Variants in ACKR3 observed in about 807,000 individuals in gnomAD.
ACKR3 encodes the protein C-X-C chemokine receptor type 7.
A neutral mutation model predicts 22.4 loss-of-function variants in ACKR3; 6 were observed. That is an observed-to-expected ratio of 0.27 (90% CI 0.15 to 0.53). The LOEUF is 0.53. Among genes scored for constraint, ACKR3 ranks in the 20% least tolerant of loss-of-function variants. ACKR3 has a pLI of 0.96. For synonymous variants in ACKR3, 209 were observed against 205.2 expected (o/e 1.02, Z -0.16); for missense variants, 396 against 475.2 (o/e 0.83, Z 1.55).
At chr2:236,563,852 C>A (rs1278224199), upstream of ACKR3, among the ~76,000 whole-genome samples, 1 of 152,150 alleles carries the variant, frequency 6.6e-6, no homozygotes, top group Admixed American at 6.5e-5. Flanking sequence ...GCCGCTGTGC[C>A]CCCACAGGCT....
At chr2:236,566,341 C>T (rs2060832), upstream of ACKR3, among the ~76,000 whole-genome samples, 252 of 152,370 alleles carry the variant, frequency 1.7e-3, 2 homozygotes, top group Admixed American at 0.013. Flanking sequence ...TCTGGGTCAG[C>T]TGGGACAGCG....
At chr2:236,565,378 G>A (rs779952172), upstream of ACKR3, among the ~76,000 whole-genome samples, 4 of 152,180 alleles carry the variant, frequency 2.6e-5, no homozygotes, top group East Asian at 7.7e-4. Context: ...TGACCTTCCT[G>A]CTGTTTCTTA....
At chr2:236,552,597 AT>A in the ACKR3 span, among the ~76,000 whole-genome samples, 1 of 152,186 alleles carries the variant, frequency 6.6e-6, no homozygotes, top group Non-Finnish European at 1.5e-5. Context: ...AATGCTTGCT[AT>A]TGTTAAAAAG....
intron 1 of ACKR3, among the ~76,000 whole-genome samples, chr2:236,570,286 G>A (rs1445086650): frequency 1.3e-5 from 2 of 152,318 alleles, no homozygotes; most frequent in East Asian, 3.9e-4. Context: ...TGACCAATTT[G>A]GCATGGGGAT....
At position 236,580,771 on chromosome 2, in the gene ACKR3, C is replaced by T. The variant is rs1487875696; in HGVS notation, c.306C>T (p.Val102=). The T allele has an allele frequency of 1.2e-6, 2 of 1,614,212 alleles. No homozygotes were observed. Among genetic ancestry groups the T allele is most frequent in the Non-Finnish European group, 1.7e-6 (2 of 1,180,036 alleles). The change falls in exon 2 of 2, where the codon GTC becomes GTT. Residue 102 remains valine (V), a synonymous_variant. Coordinates refer to ENST00000272928, the MANE Select transcript of ACKR3 (RefSeq NM_020311.3). ...TCCTCACCATCCCAGTCTGGGTGGTCAGTCTCGTGCAGCACAACCAGTGGC... is the reference window on the plus strand; with the variant it reads ...TCCTCACCATCCCAGTCTGGGTGGTTAGTCTCGTGCAGCACAACCAGTGGC... ...WVVLTIPVWV[V]SLVQHNQWPM...
the ACKR3 span, among the ~76,000 whole-genome samples, chr2:236,546,545 G>A: frequency 2.0e-5 from 3 of 152,204 alleles, no homozygotes; most frequent in East Asian, 1.9e-4. The surrounding 1 kb of genome is among the most constrained non-coding windows in gnomAD (Gnocchi z 4.9). Context: ...ATCCAAAGAT[G>A]AGCAGACAGC....
At chr2:236,560,879 C>T in the ACKR3 span, among the ~76,000 whole-genome samples, 8 of 152,156 alleles carry the variant, frequency 5.3e-5, no homozygotes, top group Non-Finnish European at 1.2e-4. Flanking sequence ...GCACTATTCA[C>T]AGTATCCAAG....
At chr2:236,558,705 T>A in the ACKR3 span, among the ~76,000 whole-genome samples, 2 of 152,242 alleles carry the variant, frequency 1.3e-5, no homozygotes, top group Non-Finnish European at 2.9e-5. Flanking sequence ...TTCTTTGTTC[T>A]TTACCTTGAA....
intron 1 of ACKR3, among the ~76,000 whole-genome samples, chr2:236,576,443 CCTCT>C (rs1378586675): frequency 1.3e-5 from 2 of 152,204 alleles, no homozygotes; most frequent in Non-Finnish European, 2.9e-5. Context: ...GGCCTCCCTC[CCTCT>C]CTCCACTTTC....
chr2:236,561,584 T>C, the ACKR3 span, among the ~76,000 whole-genome samples: 1 of 152,058 alleles, frequency 6.6e-6, no homozygotes, highest in Non-Finnish European at 1.5e-5. Context: ...CTCCGCCTCC[T>C]GGGTTCAAGC....
the ACKR3 span, among the ~76,000 whole-genome samples, chr2:236,539,913 C>G: frequency 6.6e-6 from 1 of 152,132 alleles, no homozygotes. Context: ...TTTATAAAAC[C>G]ATCAGATCTC....
chr2:236,565,442 A>G (rs748291388), upstream of ACKR3, among the ~76,000 whole-genome samples: 4 of 152,212 alleles, frequency 2.6e-5, no homozygotes, highest in Non-Finnish European at 5.9e-5. Context: ...ATGATGCAAC[A>G]TTTTTATATA....
intron 1 of ACKR3, among the ~76,000 whole-genome samples, chr2:236,572,130 G>A (rs1028636731): frequency 5.9e-5 from 9 of 152,158 alleles, no homozygotes; most frequent in African/African-American, 1.2e-4. Flanking sequence ...GGACAGGGAG[G>A]CGTGCAGGCG....
the ACKR3 span, among the ~76,000 whole-genome samples, chr2:236,553,415 C>A: frequency 6.6e-6 from 1 of 152,262 alleles, no homozygotes; most frequent in South Asian, 2.1e-4. Context: ...TTTAATTTTG[C>A]TTGAGGCAGA....
At chr2:236,564,843 G>T (rs1691146662), upstream of ACKR3, among the ~76,000 whole-genome samples, 1 of 152,118 alleles carries the variant, frequency 6.6e-6, no homozygotes, top group South Asian at 2.1e-4. Flanking sequence ...CCACCCTTAG[G>T]CAGGTCACCT....
chr2:236,559,741 G>C, the ACKR3 span, among the ~76,000 whole-genome samples: 1 of 152,106 alleles, frequency 6.6e-6, no homozygotes, highest in East Asian at 1.9e-4. Context: ...CTTCCAGTCT[G>C]TCCCCACCTC....
Position 236,577,189 on chromosome 2 carries a change from G to A in ACKR3, c.-26-3251G>A, listed in dbSNP as rs1329875746. Among the ~76,000 whole-genome samples, 1 of 152,178 alleles carries A rather than the reference G, an allele frequency of 6.6e-6. No individual in the cohort carries two copies. The highest frequency in any genetic ancestry group is 1.5e-5 in the Non-Finnish European group (1 of 68,030). ...CCGGTGATCGGTGGGGCAGTGAGGAGCTCCAGCCTCCGCTCTCTCATTCAG... is the reference window on the plus strand; with the variant it reads ...CCGGTGATCGGTGGGGCAGTGAGGAACTCCAGCCTCCGCTCTCTCATTCAG... On this transcript the variant is annotated intron_variant, in intron 1 of 1. Coordinates refer to ENST00000272928, the MANE Select transcript of ACKR3 (RefSeq NM_020311.3). The surrounding 1 kb of genome is among the most constrained non-coding windows in gnomAD (Gnocchi z 5.6).
the ACKR3 span, among the ~76,000 whole-genome samples, chr2:236,537,866 C>G: frequency 6.6e-6 from 1 of 152,222 alleles, no homozygotes; most frequent in Non-Finnish European, 1.5e-5. Context: ...CTTTCTTTCA[C>G]TAATGCGTAT....
chr2:236,543,967 A>G, the ACKR3 span, among the ~76,000 whole-genome samples: 2 of 64,888 alleles, frequency 3.1e-5, no homozygotes, highest in South Asian at 4.5e-4. Context: ...ATATATATAT[A>G]TATATATATA....
Sources: gnomAD v4.1 joint callset for allele counts (sites outside exome capture counted in the v4.1 genomes callset) on GRCh38, gnomAD v4.1.1 for gene constraint, Gnocchi (gnomAD v3.1) non-coding constraint, MANE v1.5 for transcripts, NCBI Gene and HGNC (gene_info 2026-07-23, HGNC 2026-07-21) for gene names.